Variants in ADARB2 observed in about 807,000 individuals in gnomAD.
The protein encoded by ADARB2 is adenosine deaminase RNA specific B2 (inactive), also known as inactive double-stranded RNA-specific editase B2.
Under a neutral mutation model 62.2 loss-of-function variants are expected in ADARB2, and 25 were observed. The ratio of observed to expected loss-of-function variants is 0.40; its 90% CI spans 0.29 to 0.56. ADARB2 has a LOEUF of 0.56. Among genes scored for constraint, ADARB2 ranks in the 20% least tolerant of loss-of-function variants. ADARB2 has a pLI of 0.43. For synonymous variants in ADARB2, 572 were observed against 500.8 expected, an observed-to-expected ratio of 1.14 and a Z score of -1.90; for missense variants, 1,071 against 1,077.4, an observed-to-expected ratio of 0.99 and a Z score of 0.08.
At chr10:1,359,618 C>T (rs1449640324) in intron 3 of ADARB2, among the ~76,000 whole-genome samples, 4 of 152,314 alleles carry the variant, frequency 2.6e-5, no homozygotes, top group Admixed American at 2.6e-4. Context: ...CAACCTCCAC[C>T]ACAACGCTCA....
intron 4 of ADARB2, among the ~76,000 whole-genome samples, chr10:1,256,998 C>G (rs1195681953): frequency 2.0e-5 from 3 of 152,218 alleles, no homozygotes; most frequent in African/African-American, 7.2e-5. Flanking sequence ...AATTCATGGA[C>G]TAAATATTGT....
At chr10:1,465,267 G>C (rs983442490) in intron 1 of ADARB2, among the ~76,000 whole-genome samples, 1 of 152,188 alleles carries the variant, frequency 6.6e-6, no homozygotes, top group Non-Finnish European at 1.5e-5. Flanking sequence ...GGTTCCAGGT[G>C]GTGGACCTAT....
intron 2 of ADARB2, among the ~76,000 whole-genome samples, chr10:1,366,036 T>G (rs930094722): frequency 8.5e-5 from 13 of 152,118 alleles, no homozygotes; most frequent in African/African-American, 3.1e-4. Flanking sequence ...AGGATATTAT[T>G]ATAAGAACAC....
At chr10:1,393,134 A>G (rs917608358) in intron 1 of ADARB2, among the ~76,000 whole-genome samples, 2 of 152,202 alleles carry the variant, frequency 1.3e-5, no homozygotes, top group African/African-American at 2.4e-5. Flanking sequence ...CGCACAGCCA[A>G]ATTTGAGCTA....
chr10:1,432,030 T>A (rs1830781473), intron 1 of ADARB2, among the ~76,000 whole-genome samples: 1 of 152,212 alleles, frequency 6.6e-6, no homozygotes. Flanking sequence ...CTGCTTTAGT[T>A]CCTGTTCTTT....
chr10:1,587,834 T>C, intron 1 of ADARB2, among the ~76,000 whole-genome samples: 1 of 152,120 alleles, frequency 6.6e-6, no homozygotes, highest in Non-Finnish European at 1.5e-5. Context: ...TAGTGAGCCT[T>C]ATGAGATCTA....
chr10:1,543,998 C>CAA (rs779186191), intron 1 of ADARB2, among the ~76,000 whole-genome samples: 17 of 81,964 alleles, frequency 2.1e-4, no homozygotes, highest in African/African-American at 4.8e-4. Context: ...GGCAGGTGAC[C>CAA]AAAAAAAAAA....
intron 2 of ADARB2, among the ~76,000 whole-genome samples, chr10:1,373,917 G>A (rs1404956179): frequency 3.3e-5 from 5 of 150,886 alleles, no homozygotes; most frequent in African/African-American, 1.2e-4. Flanking sequence ...GAAACCGCGT[G>A]GGCTCCGCGC....
At chr10:1,218,872 A>G (rs1259399898) in intron 6 of ADARB2, among the ~76,000 whole-genome samples, 1 of 150,870 alleles carries the variant, frequency 6.6e-6, no homozygotes, top group Non-Finnish European at 1.5e-5. Flanking sequence ...GTGAAACCCC[A>G]TCTCTACTAA....
intron 3 of ADARB2, among the ~76,000 whole-genome samples, chr10:1,344,464 T>C (rs1054257713): frequency 1.3e-5 from 2 of 152,166 alleles, no homozygotes; most frequent in Non-Finnish European, 2.9e-5. Context: ...AAGTTACACT[T>C]ACAGAGGGAA....
At chr10:1,435,105 G>A (rs1203286648) in intron 1 of ADARB2, among the ~76,000 whole-genome samples, 1 of 152,220 alleles carries the variant, frequency 6.6e-6, no homozygotes, top group African/African-American at 2.4e-5. Context: ...GAGCACGAGG[G>A]AGGGCACAGA....
intron 1 of ADARB2, among the ~76,000 whole-genome samples, chr10:1,529,683 G>A (rs1588289386): frequency 6.6e-6 from 1 of 152,162 alleles, no homozygotes; most frequent in East Asian, 1.9e-4. Flanking sequence ...CAACTCAGTA[G>A]CTTCCACGGG....
chr10:1,302,309 C>T (rs1313249905), intron 3 of ADARB2, among the ~76,000 whole-genome samples: 2 of 152,184 alleles, frequency 1.3e-5, no homozygotes, highest in Non-Finnish European at 1.5e-5. Context: ...CTGAATACTG[C>T]GCTTTTCCGA....
chr10:1,484,965 T>C (rs1164948511), intron 1 of ADARB2, among the ~76,000 whole-genome samples: 2 of 152,082 alleles, frequency 1.3e-5, no homozygotes, highest in African/African-American at 2.4e-5. Context: ...GATGTAGGTA[T>C]GCATGTAGGT....
chr10:1,355,938 T>C (rs969147806), intron 3 of ADARB2, among the ~76,000 whole-genome samples: 5 of 152,160 alleles, frequency 3.3e-5, no homozygotes, highest in African/African-American at 1.2e-4. Context: ...GTATATACAT[T>C]GTATACATGT....
In ADARB2 at chr10:1,477,303, C is replaced by T. The variant is rs546551195; in HGVS notation, c.101-98143G>A. 1.3e-4 allele frequency among the ~76,000 whole-genome samples: 20 copies of T among 152,246 alleles called. No individual in the cohort carries two copies. Among genetic ancestry groups the T allele is most frequent in the African/African-American group, 4.8e-4 (20 of 41,550 alleles). On this transcript the variant is annotated intron_variant, in intron 1 of 9. Coordinates refer to ENST00000381312, the MANE Select transcript of ADARB2 (RefSeq NM_018702.4). This position sits in a 1 kb window ranked among gnomAD's most constrained non-coding sequence, Gnocchi z 4.5. The stretch of plus-strand genomic sequence containing the variant: ...CGGGGAGAACAGTTGTTCTGAGAGA[C>T]GGCCAATCACAGGCAACTGCTGGCA...
At chr10:1,593,980 T>C (rs1833300501) in intron 1 of ADARB2, among the ~76,000 whole-genome samples, 1 of 152,170 alleles carries the variant, frequency 6.6e-6, no homozygotes. Flanking sequence ...CTTGTCCTCC[T>C]GATGTACTGA....
At chr10:1,488,146 A>G (rs1188759640) in intron 1 of ADARB2, among the ~76,000 whole-genome samples, 1 of 151,712 alleles carries the variant, frequency 6.6e-6, no homozygotes, top group East Asian at 2.0e-4. Flanking sequence ...TGACTATTTC[A>G]TAATTTATAA....
intron 1 of ADARB2, among the ~76,000 whole-genome samples, chr10:1,418,180 T>C (rs956685085): frequency 6.6e-6 from 1 of 152,170 alleles, no homozygotes; most frequent in South Asian, 2.1e-4. Flanking sequence ...GTGTTAGTTA[T>C]GGTGTTTTGT....
Sources: gnomAD v4.1 joint callset for allele counts (sites outside exome capture counted in the v4.1 genomes callset) on GRCh38, gnomAD v4.1.1 for gene constraint, Gnocchi (gnomAD v3.1) non-coding constraint, MANE v1.5 for transcripts, NCBI Gene and HGNC (gene_info 2026-07-23, HGNC 2026-07-21) for gene names.